CARS2: variants seen among roughly 807,000 people sequenced by gnomAD.
CARS2 encodes the protein probable cysteine--tRNA ligase, mitochondrial.
A neutral mutation model predicts 68.8 loss-of-function variants in CARS2; 52 were observed. The observed-to-expected ratio is 0.76, with a 90% CI of 0.61 to 0.95. The LOEUF (loss-of-function observed/expected upper bound fraction) is 0.95, where lower values mean the gene tolerates loss of function less well. CARS2 is among the 40% of genes least tolerant of loss of function. CARS2 has a pLI of 0.00. For synonymous variants in CARS2, 314 were observed against 303.6 expected (o/e 1.03, Z -0.36); for missense variants, 780 against 754.2 (o/e 1.03, Z -0.40).
intron 9 of CARS2, among the ~76,000 whole-genome samples, chr13:110,657,605 A>G (rs2139726705): frequency 6.6e-6 from 1 of 152,378 alleles, no homozygotes; most frequent in South Asian, 2.1e-4. Flanking sequence ...AAAAAAAGAA[A>G]GACAAAAACA....
At chr13:110,672,930 A>C (rs1309840523) in intron 7 of CARS2, among the ~76,000 whole-genome samples, 4 of 152,246 alleles carry the variant, frequency 2.6e-5, no homozygotes, top group African/African-American at 4.8e-5. Flanking sequence ...AGAGAATACT[A>C]TAAACACCTC....
rs762160535 is a variant in CARS2 at position 110,705,599 on chromosome 13, T to C, written c.225-28A>G. 6.3e-7 allele frequency: 1 copy of C among 1,599,446 alleles called. No individual in the cohort carries two copies. The highest frequency in any genetic ancestry group is 8.6e-7 in the Non-Finnish European group (1 of 1,166,682). ...GGAAACAAAGTTAAAATCCATCGTG[T>C]GGAACATATTTGCAAGAAAGGACAT... is the stretch of plus-strand genomic sequence containing the variant. On this transcript the variant is annotated intron_variant, in intron 1 of 14. Coordinates refer to ENST00000257347, the MANE Select transcript of CARS2 (RefSeq NM_024537.4). The surrounding 1 kb of genome is among the most constrained non-coding windows in gnomAD (Gnocchi z 4.0).
chr13:110,688,364 G>A (rs1337047801), intron 3 of CARS2, among the ~76,000 whole-genome samples: 4 of 152,324 alleles, frequency 2.6e-5, no homozygotes, highest in South Asian at 2.1e-4. Context: ...TGAGTGGATC[G>A]TTTGAGACCA....
intron 8 of CARS2, chr13:110,666,737 CCAAA>C (rs1566682291): frequency 2.0e-6 from 2 of 985,294 alleles, no homozygotes; most frequent in Non-Finnish European, 2.4e-6. Context: ...CCTATCACTA[CCAAA>C]CACTCTTTAT....
intron 12 of CARS2, chr13:110,645,275 A>C (rs1482690171): frequency 2.6e-5 from 4 of 152,538 alleles, no homozygotes; most frequent in African/African-American, 9.6e-5. Context: ...TGGTGCTCTG[A>C]AACCCAACAC....
exon 1 of CARS2, chr13:110,713,178 T>G: frequency 1.4e-6 from 2 of 1,427,486 alleles, no homozygotes; most frequent in Non-Finnish European, 1.8e-6. Context: ...GCTGTCAAAG[T>G]GATGTTGGCA....
chr13:110,697,872 CCA>C, intron 3 of CARS2: 1 of 443,792 alleles, frequency 2.3e-6, no homozygotes, highest in South Asian at 1.6e-5. Context: ...GGGAGACTAC[CCA>C]GTTATGAGAA....
chr13:110,703,998 C>T (rs748331254), intron 2 of CARS2, among the ~76,000 whole-genome samples: 1 of 152,240 alleles, frequency 6.6e-6, no homozygotes, highest in East Asian at 1.9e-4. Flanking sequence ...AGAGAATTCC[C>T]TCTACCTTCT....
chr13:110,706,430 A>T, upstream of CARS2: 1 of 178,384 alleles, frequency 5.6e-6, no homozygotes, highest in Non-Finnish European at 1.2e-5. Flanking sequence ...TGCGCGCGGT[A>T]CCAGCCTGGA....
intron 7 of CARS2, among the ~76,000 whole-genome samples, chr13:110,669,879 A>G (rs1594305236): frequency 6.6e-6 from 1 of 152,114 alleles, no homozygotes; most frequent in African/African-American, 2.4e-5. Context: ...TGCTTTTCCA[A>G]TGGTCTTAGC....
Position 110,665,147 on chromosome 13 carries a change from A to G in CARS2, c.920-1629T>C. 1.0e-6 allele frequency: 1 copy of G among 985,402 alleles called. No individual in the cohort carries two copies. The highest frequency in any genetic ancestry group is 1.2e-6 in the Non-Finnish European group (1 of 829,926). The allele number at this position is 985,402 out of a possible 1,614,324, so 61.0% of individuals were successfully genotyped here. A position where few individuals can be genotyped will look rare whatever the true frequency, so the allele number is the denominator to read the frequency against. ...ACAGGTAGTAAAAAATCACTGAAAA[A>G]TAGCCACAAAACTTTCCCACCACGT... On this transcript the variant is annotated intron_variant, in intron 8 of 14. Transcript: ENST00000257347. This position sits in a 1 kb window ranked among gnomAD's most constrained non-coding sequence, Gnocchi z 4.3.
In CARS2 at chr13:110,642,410, C is replaced by A. The variant is rs1195458572; in HGVS notation, c.1528G>T (p.Asp510Tyr). Residue 510 changes from aspartate (D) to tyrosine (Y), a missense_variant, in exon 14 of 15, where the codon GAC (aspartate) becomes TAC (tyrosine). Transcript: ENST00000257347. The part of the protein sequence containing the change: ...FALAMPEATG[D>Y]ARRQQLLERQ... ...TCTAGGAGCTGCTGCCGCCGGGCGT[C>A]CCCCGTGGCCTCGGGCATGGCCAGC... 1.3e-6 allele frequency: 2 copies of A among 1,589,282 alleles called. No homozygotes were observed. Among genetic ancestry groups the A allele is most frequent in the East Asian group, 2.3e-5 (1 of 43,536 alleles).
chr13:110,700,874 A>T (rs1258497484), intron 3 of CARS2, among the ~76,000 whole-genome samples: 3 of 152,182 alleles, frequency 2.0e-5, no homozygotes, highest in Non-Finnish European at 1.5e-5. Flanking sequence ...ACGACCACAG[A>T]AGGAGGTAAC....
chr13:110,696,304 T>G (rs1029357273), intron 3 of CARS2, among the ~76,000 whole-genome samples: 2 of 152,228 alleles, frequency 1.3e-5, no homozygotes, highest in African/African-American at 4.8e-5. Context: ...GATTGCTGGG[T>G]TAAATGGTAT....
At chr13:110,708,287 T>G (rs904041000), upstream of CARS2, among the ~76,000 whole-genome samples, 13 of 152,336 alleles carry the variant, frequency 8.5e-5, no homozygotes, top group Admixed American at 7.2e-4. Context: ...GTAAAATACC[T>G]GATAAAGCTG....
At position 110,668,915 on chromosome 13, in the gene CARS2, GT is replaced by G. The variant is rs1248541070; in HGVS notation, c.786-1443del. ...ACATTACATTTGAAACTCACTAAATGTTTTCTACCTGCTTTAGAGAAATTAT... is the reference window on the plus strand; with the variant it reads ...ACATTACATTTGAAACTCACTAAATGTTTCTACCTGCTTTAGAGAAATTAT... On this transcript the variant is annotated intron_variant, in intron 7 of 14. Transcript: ENST00000257347. This position sits in a 1 kb window ranked among gnomAD's most constrained non-coding sequence, Gnocchi z 4.1. Among the ~76,000 whole-genome samples the G allele has an allele frequency of 6.6e-6, 1 of 152,130 alleles. No individual in the cohort carries two copies. The highest frequency in any genetic ancestry group is 2.4e-5 in the African/African-American group (1 of 41,428).
At chr13:110,712,602 C>T in intron 1 of CARS2, 1 of 431,482 alleles carries the variant, frequency 2.3e-6, no homozygotes, top group Non-Finnish European at 4.4e-6. Flanking sequence ...TCTCAGAAAG[C>T]CCAAAATCCG....
chr13:110,713,024 AG>A (rs2064053355), intron 1 of CARS2: 2 of 1,507,756 alleles, frequency 1.3e-6, no homozygotes, highest in South Asian at 1.2e-5. Context: ...GGACACCGAG[AG>A]GGTGCCAGTG....
chr13:110,709,823 A>G (rs9521909), upstream of CARS2, among the ~76,000 whole-genome samples: 95,900 of 151,900 alleles, frequency 0.63, 32,087 homozygotes, highest in South Asian at 0.77. Flanking sequence ...AAGAGGATCC[A>G]TTTAATTGAA....
Sources: gnomAD v4.1 joint callset for allele counts (sites outside exome capture counted in the v4.1 genomes callset) on GRCh38, gnomAD v4.1.1 for gene constraint, Gnocchi (gnomAD v3.1) non-coding constraint, MANE v1.5 for transcripts, NCBI Gene and HGNC (gene_info 2026-07-23, HGNC 2026-07-21) for gene names.